Variants in CRIM1 observed in about 807,000 individuals in gnomAD.
CRIM1 encodes the protein cysteine rich transmembrane BMP regulator 1.
In CRIM1, 32 loss-of-function variants were observed where a neutral mutation model predicts 116.4. That is an observed-to-expected ratio of 0.27 (90% CI 0.21 to 0.37). CRIM1 has a LOEUF of 0.37. Among genes scored for constraint, CRIM1 ranks in the 10% least tolerant of loss-of-function variants. The probability of loss-of-function intolerance (pLI) is 1.00; values close to 1 mark genes in which losing one functional copy is unlikely to be tolerated. For synonymous variants in CRIM1, 590 were observed against 509.2 expected, an observed-to-expected ratio of 1.16 and a Z score of -2.13; for missense variants, 1,331 against 1,354.8, an observed-to-expected ratio of 0.98 and a Z score of 0.28.
intron 4 of CRIM1, among the ~76,000 whole-genome samples, chr2:36,457,063 C>G (rs910766790): frequency 3.3e-5 from 5 of 152,094 alleles, no homozygotes; most frequent in Non-Finnish European, 7.4e-5. Context: ...GAGGAGGAAG[C>G]TAGGAAGAGA....
At position 36,548,955 on chromosome 2, in the gene CRIM1, A is replaced by AAGAT. The variant is rs1308644423; in HGVS notation, c.*257_*260dup. The AAGAT allele has an allele frequency of 1.5e-5, 4 of 271,348 alleles. No homozygotes were observed. The highest frequency in any genetic ancestry group is 6.6e-5 in the African/African-American group (3 of 45,416). 16.8% of individuals were successfully genotyped at this position (271,348 alleles called of 1,614,324 possible). On this transcript the variant is annotated 3_prime_UTR_variant, in exon 17 of 17. Coordinates refer to ENST00000280527, the MANE Select transcript of CRIM1 (RefSeq NM_016441.3). Reference sequence around the variant, plus strand: ...AAGTTGCTAAGATATATTTGCCTGTAAGATAGCTGTAGAGATATTTGGGGT... The same window carrying AAGAT: ...AAGTTGCTAAGATATATTTGCCTGTAAGATAGATAGCTGTAGAGATATTTGGGGT...
At chr2:36,403,958 C>T (rs1672601204) in intron 2 of CRIM1, among the ~76,000 whole-genome samples, 1 of 151,968 alleles carries the variant, frequency 6.6e-6, no homozygotes, top group Non-Finnish European at 1.5e-5. Flanking sequence ...TGTCTAATGA[C>T]TTTTTGAGTA....
chr2:36,531,123 T>C (rs1305677310), intron 13 of CRIM1, among the ~76,000 whole-genome samples: 1 of 152,200 alleles, frequency 6.6e-6, no homozygotes, highest in African/African-American at 2.4e-5. Flanking sequence ...CCAGAGTAAA[T>C]TACTTTTCAG....
intron 2 of CRIM1, among the ~76,000 whole-genome samples, chr2:36,428,447 G>C (rs1452715873): frequency 1.3e-5 from 2 of 152,148 alleles, no homozygotes; most frequent in Non-Finnish European, 2.9e-5. Context: ...CTTTTTTGTA[G>C]GAAGGATTAG....
At chr2:36,405,654 A>G (rs1672725533) in intron 2 of CRIM1, among the ~76,000 whole-genome samples, 2 of 152,250 alleles carry the variant, frequency 1.3e-5, no homozygotes, top group East Asian at 1.9e-4. Flanking sequence ...TTCGCTGCAC[A>G]GAGAAATGGA....
chr2:36,524,878 T>A (rs1184741078), intron 13 of CRIM1, among the ~76,000 whole-genome samples: 1 of 152,206 alleles, frequency 6.6e-6, no homozygotes, highest in East Asian at 1.9e-4. Context: ...ACATTCTTCA[T>A]TGGTGTAGAA....
At chr2:36,445,507 G>A (rs1435040185) in intron 4 of CRIM1, among the ~76,000 whole-genome samples, 3 of 152,134 alleles carry the variant, frequency 2.0e-5, no homozygotes, top group African/African-American at 7.2e-5. Context: ...GTTAATTATC[G>A]ACTTTCATAC....
At chr2:36,382,510 C>G (rs1385228075) in intron 1 of CRIM1, among the ~76,000 whole-genome samples, 1 of 152,164 alleles carries the variant, frequency 6.6e-6, no homozygotes, top group Non-Finnish European at 1.5e-5. Context: ...GTCCTTTCCT[C>G]TCTTCTCACA....
chr2:36,484,759 A>G (rs570185673), intron 7 of CRIM1, among the ~76,000 whole-genome samples: 32 of 152,290 alleles, frequency 2.1e-4, no homozygotes, highest in African/African-American at 7.7e-4. Flanking sequence ...GGGATTTTGA[A>G]GCCAACACCA....
intron 2 of CRIM1, among the ~76,000 whole-genome samples, chr2:36,399,216 C>G (rs1672248410): frequency 6.6e-6 from 1 of 152,124 alleles, no homozygotes; most frequent in South Asian, 2.1e-4. Context: ...GTAATATGAG[C>G]AATCAGAAAT....
At chr2:36,495,630 T>C (rs1421486910) in intron 7 of CRIM1, among the ~76,000 whole-genome samples, 2 of 152,194 alleles carry the variant, frequency 1.3e-5, no homozygotes, top group East Asian at 3.9e-4. Context: ...CTTTAAGAAC[T>C]ATAAATATAA....
At chr2:36,488,078 A>G (rs1039734546) in intron 7 of CRIM1, among the ~76,000 whole-genome samples, 1 of 152,236 alleles carries the variant, frequency 6.6e-6, no homozygotes, top group African/African-American at 2.4e-5. Context: ...AGTATATCCT[A>G]TAAAAACAGA....
intron 16 of CRIM1, among the ~76,000 whole-genome samples, chr2:36,548,227 C>T (rs1405662175): frequency 1.3e-5 from 2 of 151,096 alleles, no homozygotes; most frequent in Admixed American, 6.6e-5. Flanking sequence ...CCTTGAAACA[C>T]AAGGTCTGCA....
chr2:36,370,067 T>C (rs1038654292), intron 1 of CRIM1, among the ~76,000 whole-genome samples: 4 of 152,212 alleles, frequency 2.6e-5, no homozygotes, highest in Non-Finnish European at 5.9e-5. Flanking sequence ...TTGTTTTACT[T>C]ACTGCATTTG....
At chr2:36,521,927 A>C (rs1235391349) in intron 12 of CRIM1, among the ~76,000 whole-genome samples, 165 bp from the exon 13 acceptor site, 2 of 152,214 alleles carry the variant, frequency 1.3e-5, no homozygotes, top group Non-Finnish European at 2.9e-5. Context: ...TTTTGTTTAA[A>C]AATTTAAGAC....
Position 36,547,015 on chromosome 2 carries a change from T to TAAC in CRIM1, c.2780_2782dup (p.Asn927dup). 6.2e-7 allele frequency: 1 copy of TAAC among 1,612,470 alleles called. No homozygotes were observed. Among genetic ancestry groups the TAAC allele is most frequent in the Non-Finnish European group, 8.5e-7 (1 of 1,178,922 alleles). ...GTCACCTCCAGGTAGATTACAGAGA[T>TAAC]AACAGGCTGCACCCAAGTGAAGATT... On this transcript the variant is annotated inframe_insertion, in exon 16 of 17. Coordinates refer to ENST00000280527, the MANE Select transcript of CRIM1 (RefSeq NM_016441.3).
intron 5 of CRIM1, among the ~76,000 whole-genome samples, chr2:36,465,217 G>A (rs1338029605): frequency 6.6e-6 from 1 of 152,146 alleles, no homozygotes; most frequent in Admixed American, 6.5e-5. Flanking sequence ...CCCTGAAAAA[G>A]GATTCTTGGG....
At position 36,513,779 on chromosome 2, in the gene CRIM1, G is replaced by A. The variant is rs1387108880; in HGVS notation, c.1990+14G>A. On this transcript the variant is annotated intron_variant, in intron 11 of 16. Coordinates refer to ENST00000280527, the MANE Select transcript of CRIM1 (RefSeq NM_016441.3). Reference sequence around the variant, plus strand: ...CATCATGTGCAGGTAAAAGCTGGCTGCCATCTGTGTGCTCCATAAGCAAAT... The same window carrying A: ...CATCATGTGCAGGTAAAAGCTGGCTACCATCTGTGTGCTCCATAAGCAAAT... 1.2e-6 allele frequency: 2 copies of A among 1,610,980 alleles called. No individual in the cohort carries two copies. The highest frequency in any genetic ancestry group is 1.7e-5 in the Admixed American group (1 of 59,838).
At chr2:36,483,125 T>C (rs1237048026) in intron 7 of CRIM1, among the ~76,000 whole-genome samples, 1 of 152,200 alleles carries the variant, frequency 6.6e-6, no homozygotes, top group Non-Finnish European at 1.5e-5. Flanking sequence ...GTTAACTGAT[T>C]ATATTCTCAC....
Sources: allele counts gnomAD v4.1 joint callset (sites outside exome capture counted in the v4.1 genomes callset), GRCh38; gene constraint gnomAD v4.1.1; transcripts MANE v1.5; gene names NCBI Gene and HGNC (gene_info 2026-07-23, HGNC 2026-07-21).